The following SLC10A2 variants were observed in gnomAD, a reference collection of about 807,000 sequenced individuals.
The protein encoded by SLC10A2 is ileal sodium/bile acid cotransporter.
Under a neutral mutation model 27.1 loss-of-function variants are expected in SLC10A2, and 34 were observed. The observed-to-expected ratio is 1.26, with a 90% CI of 0.96 to 1.67. SLC10A2 has a LOEUF of 1.67. SLC10A2 is among the 40% of genes most tolerant of loss of function. The probability of loss-of-function intolerance (pLI) is 0.00; values close to 1 mark genes in which losing one functional copy is unlikely to be tolerated. For missense variants in SLC10A2, 530 were observed against 444.4 expected, an observed-to-expected ratio of 1.19 and a Z score of -1.73; for synonymous variants, 205 against 174.0, an observed-to-expected ratio of 1.18 and a Z score of -1.40.
At chr13:103,051,489 A>T (rs534125852) in intron 3 of SLC10A2, 57 bp from the exon 4 acceptor site, 1 of 1,583,188 alleles carries the variant, frequency 6.3e-7, no homozygotes, top group African/African-American at 1.3e-5. Context: ...AAATCCAAGT[A>T]TGTTTGTCAG....
At chr13:103,055,761 G>T (rs994191603) in intron 2 of SLC10A2, among the ~76,000 whole-genome samples, 1 of 152,126 alleles carries the variant, frequency 6.6e-6, no homozygotes. Context: ...CTTACTTTGT[G>T]CTAGTAACTC....
chr13:103,052,273 T>C (rs1875805122), intron 3 of SLC10A2, among the ~76,000 whole-genome samples: 1 of 152,118 alleles, frequency 6.6e-6, no homozygotes, highest in African/African-American at 2.4e-5. Context: ...GAGGTGATAG[T>C]TCAGTGGAGT....
chr13:103,060,586 G>T (rs1250611980), intron 1 of SLC10A2, among the ~76,000 whole-genome samples: 5 of 151,890 alleles, frequency 3.3e-5, no homozygotes, highest in African/African-American at 1.2e-4. Context: ...ATGTTGTCCA[G>T]GCTGGTCTCA....
In SLC10A2 at chr13:103,046,166, C is replaced by T. The variant is rs1875604269; in HGVS notation, c.1014G>A (p.Lys338=). Reference sequence around the variant, plus strand: ...CGTCAGGTTGAAATCCTCCATTTGCCTTATAAAACGATGACTCTGGCTCCG... The same window carrying T: ...CGTCAGGTTGAAATCCTCCATTTGCTTTATAAAACGATGACTCTGGCTCCG... ...NGTEPESSFY[K]ANGGFQPDEK is the part of the protein sequence containing the mutation. The change falls in exon 6 of 6, where the codon AAG becomes AAA. Residue 338 remains lysine (K), a synonymous_variant. Transcript: ENST00000245312. 2.5e-6 allele frequency: 4 copies of T among 1,613,810 alleles called. No homozygotes were observed. Among genetic ancestry groups the T allele is most frequent in the African/African-American group, 1.3e-5 (1 of 74,888 alleles).
Position 103,066,095 on chromosome 13 carries a change from T to A in SLC10A2, c.155A>T (p.Asn52Ile), listed in dbSNP as rs937940804. Residue 52 changes from asparagine to isoleucine, a missense_variant, in exon 1 of 6, where the codon AAC (asparagine) becomes ATC (isoleucine). Asn to Ile is a moderately radical substitution (Grantham distance 149). Coordinates refer to ENST00000245312, the MANE Select transcript of SLC10A2 (RefSeq NM_000452.3). ...CCCTAGAAATTTCTTGATTTCCACGTTGCATCCCATGGAGAACATCACCAA... is the reference window on the plus strand; with the variant it reads ...CCCTAGAAATTTCTTGATTTCCACGATGCATCCCATGGAGAACATCACCAA... ...LALVMFSMGCNVEIKKFLGHI... is the reference protein window; with the variant it reads ...LALVMFSMGCIVEIKKFLGHI... 6.2e-7 allele frequency: 1 copy of A among 1,614,020 alleles called. No homozygotes were observed. The highest frequency in any genetic ancestry group is 8.5e-7 in the Non-Finnish European group (1 of 1,179,906).
intron 4 of SLC10A2, among the ~76,000 whole-genome samples, chr13:103,050,081 C>T (rs1875729989): frequency 6.6e-6 from 1 of 152,118 alleles, no homozygotes; most frequent in South Asian, 2.1e-4. Context: ...TCACTTGAGC[C>T]AAGGCTTCAG....
intron 2 of SLC10A2, among the ~76,000 whole-genome samples, chr13:103,053,566 G>A (rs1339475839): frequency 1.3e-5 from 2 of 152,132 alleles, no homozygotes; most frequent in African/African-American, 4.8e-5. Flanking sequence ...TTCATAGGTT[G>A]TTTCTTTTTC....
At chr13:103,059,553 T>C (rs986187254) in intron 1 of SLC10A2, among the ~76,000 whole-genome samples, 1 of 152,182 alleles carries the variant, frequency 6.6e-6, no homozygotes, top group African/African-American at 2.4e-5. Flanking sequence ...ATATTTGGTG[T>C]CTTTCCACTT....
intron 4 of SLC10A2, 132 bp downstream of exon 4, chr13:103,051,125 G>T: frequency 1.1e-6 from 1 of 869,666 alleles, no homozygotes; most frequent in Non-Finnish European, 1.9e-6. Context: ...TCTAGTCTCT[G>T]AAACCATGAG....
rs190629337 is a variant in SLC10A2 at position 103,046,274 on chromosome 13, C to A, written c.920-14G>T. On this transcript the variant is annotated splice_polypyrimidine_tract_variant and intron_variant, in intron 5 of 5. Coordinates refer to ENST00000245312, the MANE Select transcript of SLC10A2 (RefSeq NM_000452.3). ...ATGCCACATAAACTAGAAAACAATA[C>A]ACAGACAGTTAAGTAAATTTTATAA... 5 of 1,601,398 alleles carry A rather than the reference C, an allele frequency of 3.1e-6. No individual in the cohort carries two copies. In the African/African-American group the frequency reaches 6.7e-5, roughly 21 times the overall value.
At chr13:103,061,591 T>C (rs1041687628) in intron 1 of SLC10A2, among the ~76,000 whole-genome samples, 10 of 152,156 alleles carry the variant, frequency 6.6e-5, no homozygotes, top group Non-Finnish European at 1.5e-4. Flanking sequence ...TGCAAAACCT[T>C]TAATTCTGAA....
At chr13:103,047,651 G>T (rs1160036231) in intron 5 of SLC10A2, among the ~76,000 whole-genome samples, 1 of 148,932 alleles carries the variant, frequency 6.7e-6, no homozygotes, top group Non-Finnish European at 1.5e-5. Context: ...TCCAGGTATT[G>T]TATACACTTA....
chr13:103,059,460 C>G (rs1440430936), intron 1 of SLC10A2, among the ~76,000 whole-genome samples: 1 of 152,164 alleles, frequency 6.6e-6, no homozygotes, highest in Admixed American at 6.5e-5. Flanking sequence ...CAACCTGTAG[C>G]ATCGTCTGGT....
chr13:103,047,750 A>C (rs1467986414), intron 5 of SLC10A2, among the ~76,000 whole-genome samples: 2 of 152,014 alleles, frequency 1.3e-5, no homozygotes, highest in African/African-American at 2.4e-5. Context: ...TCATTCCTTC[A>C]ACTTAATTTT....
In SLC10A2 at chr13:103,058,391, C is replaced by A; in HGVS notation, c.378-9G>T. 1 of 1,540,940 alleles carries A rather than the reference C, an allele frequency of 6.5e-7. No homozygotes were observed. Among genetic ancestry groups the A allele is most frequent in the Non-Finnish European group, 9.0e-7 (1 of 1,113,688 alleles). ...ATGTGGTCATGCTGACGCTGAAAGG[C>A]AATGGGCAGATTGATACATCCACCT... is the stretch of plus-strand genomic sequence containing the variant. On this transcript the variant is annotated splice_polypyrimidine_tract_variant and intron_variant, in intron 1 of 5. Transcript: ENST00000245312.
chr13:103,051,425 G>C lies in SLC10A2; in HGVS notation c.593C>G (p.Ser198Cys). The C allele has an allele frequency of 6.2e-7, 1 of 1,613,654 alleles. No homozygotes were observed. Among genetic ancestry groups the C allele is most frequent in the Non-Finnish European group, 8.5e-7 (1 of 1,179,870 alleles). The change falls in exon 4 of 6, where the codon TCC becomes TGC. Residue 198 changes from serine to cysteine, a missense_variant. Coordinates refer to ENST00000245312, the MANE Select transcript of SLC10A2 (RefSeq NM_000452.3). The part of the protein sequence containing the change: ...QKAKIILKIG[S>C]IAGAILIVLI... ...CACAATGAGGATGGCGCCCGCGATGGACCCAATCTGAAAAAAAAAGGAATA... is the reference window on the plus strand; with the variant it reads ...CACAATGAGGATGGCGCCCGCGATGCACCCAATCTGAAAAAAAAAGGAATA...
chr13:103,065,309 A>G (rs72657900), intron 1 of SLC10A2, among the ~76,000 whole-genome samples: 3,691 of 152,290 alleles, frequency 0.024, 63 homozygotes, highest in Middle Eastern at 0.054. Flanking sequence ...AAAAGCTGCT[A>G]TAGGCTTTTT....
At chr13:103,049,047 T>A (rs1006543982) in intron 5 of SLC10A2, among the ~76,000 whole-genome samples, 6 of 152,172 alleles carry the variant, frequency 3.9e-5, no homozygotes, top group Non-Finnish European at 7.3e-5. Context: ...GAAAAGAAAG[T>A]CATTGGAGAG....
chr13:103,050,670 G>T (rs1421418036), intron 4 of SLC10A2, among the ~76,000 whole-genome samples: 1 of 152,202 alleles, frequency 6.6e-6, no homozygotes, highest in Non-Finnish European at 1.5e-5. Context: ...AAAAGAGGCA[G>T]TCAGTATTTT....
Sources: allele counts gnomAD v4.1 joint callset (sites outside exome capture counted in the v4.1 genomes callset), GRCh38; gene constraint gnomAD v4.1.1; transcripts MANE v1.5; gene names NCBI Gene and HGNC (gene_info 2026-07-23, HGNC 2026-07-21).